The following CCDC33 variants were observed in gnomAD, a reference collection of about 807,000 sequenced individuals.
CCDC33 encodes coiled-coil domain-containing protein 33.
In CCDC33, 94 loss-of-function variants were observed where a neutral mutation model predicts 91.9. That is an observed-to-expected ratio of 1.02 (90% CI 0.87 to 1.21). The LOEUF (loss-of-function observed/expected upper bound fraction) is 1.21. Among genes scored for constraint, CCDC33 ranks in the 50% most tolerant of loss-of-function variants. The probability of loss-of-function intolerance (pLI) is 0.00; values close to 1 mark genes in which losing one functional copy is unlikely to be tolerated. For missense variants in CCDC33, 940 were observed against 935.5 expected (o/e 1.00, Z -0.06); for synonymous variants, 396 against 374.5 (o/e 1.06, Z -0.66).
chr15:74,296,092 C>A, intron 11 of CCDC33, 144 bp downstream of exon 11: 1 of 665,018 alleles, frequency 1.5e-6, no homozygotes, highest in Non-Finnish European at 2.5e-6. Context: ...ATGTGAGTTA[C>A]CCCAAAGTCA....
intron 1 of CCDC33, among the ~76,000 whole-genome samples, chr15:74,204,505 G>A (rs1304124584): frequency 6.6e-6 from 1 of 152,244 alleles, no homozygotes; most frequent in Non-Finnish European, 1.5e-5. Context: ...GTCTCAGACT[G>A]TTACCTTAGG....
chr15:74,291,084 A>G (rs987043319), intron 10 of CCDC33, among the ~76,000 whole-genome samples: 6 of 152,346 alleles, frequency 3.9e-5, no homozygotes, highest in East Asian at 3.9e-4. Flanking sequence ...CAAATGAATC[A>G]TGGCCCCACC....
rs1484257824 is a variant in CCDC33, at chr15:74,330,296, C to T, written c.1398C>T (p.Arg466=). The T allele has an allele frequency of 1.9e-6, 3 of 1,611,582 alleles. No homozygotes were observed. Among genetic ancestry groups the T allele is most frequent in the South Asian group, 1.1e-5 (1 of 90,884 alleles). Residue 466 remains arginine (R), a synonymous_variant, in exon 12 of 19, where the codon CGC becomes CGT. Transcript: ENST00000398814. ...LEGENRILRS[R]LAQQEEEEGQ... is the part of the protein sequence containing the mutation. The stretch of plus-strand genomic sequence containing the variant: ...GAGAGAACCGCATACTGAGGAGCCG[C>T]CTGGCCCAGCAGGAGGAGGAAGAGG...
Position 74,268,326 on chromosome 15 carries a change from C to T in CCDC33, c.430-16C>T, listed in dbSNP as rs753876767. On this transcript the variant is annotated splice_polypyrimidine_tract_variant and intron_variant, in intron 4 of 18. Coordinates refer to ENST00000398814, the MANE Select transcript of CCDC33 (RefSeq NM_025055.5). ...CTCTCCTTCCTCTGTGTCTTCTGCC[C>T]CAACCCTGTCTCCAGCCCACTGAGT... is the stretch of plus-strand genomic sequence containing the variant. 2.7e-5 allele frequency: 43 copies of T among 1,594,440 alleles called. 1 individual carries two copies. In the East Asian group the frequency reaches 9.2e-4, roughly 34 times the overall value.
chr15:74,286,911 C>A (rs1036586441), intron 10 of CCDC33, among the ~76,000 whole-genome samples: 1 of 152,152 alleles, frequency 6.6e-6, no homozygotes, highest in Non-Finnish European at 1.5e-5. Flanking sequence ...CCTCCCTCTT[C>A]CCCTCATAGG....
At chr15:74,297,103 G>A (rs1229672146) in intron 11 of CCDC33, among the ~76,000 whole-genome samples, 1 of 152,212 alleles carries the variant, frequency 6.6e-6, no homozygotes, top group Admixed American at 6.5e-5. Context: ...AAGGCTGGCT[G>A]TCTGCTGGGC....
intron 2 of CCDC33, among the ~76,000 whole-genome samples, chr15:74,259,913 C>T (rs1270004275): frequency 6.6e-6 from 1 of 152,340 alleles, no homozygotes; most frequent in African/African-American, 2.4e-5. Context: ...AGTTTTGTGT[C>T]CAGCTCTGGG....
chr15:74,231,366 C>T (rs1205293843), upstream of CCDC33, among the ~76,000 whole-genome samples: 1 of 152,222 alleles, frequency 6.6e-6, no homozygotes, highest in Non-Finnish European at 1.5e-5. Context: ...TCTGCCCTTG[C>T]TTATGGGGGC....
chr15:74,212,654 C>G (rs1231859028), upstream of CCDC33: 3 of 152,200 alleles, frequency 2.0e-5, no homozygotes, highest in Non-Finnish European at 2.9e-5. Flanking sequence ...TTACTACTTA[C>G]TAGCTGAGTG....
In CCDC33 at chr15:74,331,104, C is replaced by A. The variant is rs527872552; in HGVS notation, c.1669C>A (p.Gln557Lys). 1.2e-4 allele frequency: 186 copies of A among 1,613,306 alleles called. 2 individuals are homozygous for A. The South Asian group carries it at 1.9e-3, about 16-fold the overall frequency. The change falls in exon 14 of 19, where the codon CAA becomes AAA. Residue 557 changes from glutamine (Q) to lysine (K), a missense_variant. Coordinates refer to ENST00000398814, the MANE Select transcript of CCDC33 (RefSeq NM_025055.5). ...MKALEETVRH[Q>K]EKVIEKMERV... is the part of the protein sequence containing the mutation. ...GGCGCTGGAGGAGACTGTGCGGCAC[C>A]AAGAGAAGGCAGGTGGCAGAGGGGC...
chr15:74,221,475 TG>T, intron 2 of CCDC33: 1 of 203,938 alleles, frequency 4.9e-6, no homozygotes, highest in Non-Finnish European at 8.7e-6. Flanking sequence ...CTGCCAATGC[TG>T]GTCACAGCAT....
chr15:74,271,493 C>G (rs1284538395), intron 5 of CCDC33, among the ~76,000 whole-genome samples: 1 of 152,198 alleles, frequency 6.6e-6, no homozygotes, highest in Non-Finnish European at 1.5e-5. Context: ...GCAGTTGCCT[C>G]AGCTCGGCAG....
At chr15:74,234,190 C>T (rs957304723), upstream of CCDC33, among the ~76,000 whole-genome samples, 4 of 152,256 alleles carry the variant, frequency 2.6e-5, no homozygotes, top group Non-Finnish European at 4.4e-5. Context: ...GAACTATGGG[C>T]TCTCTAGTGG....
chr15:74,279,435 C>T (rs1434826972), intron 7 of CCDC33, among the ~76,000 whole-genome samples: 1 of 152,166 alleles, frequency 6.6e-6, no homozygotes, highest in African/African-American at 2.4e-5. Context: ...TTGTGTTTAT[C>T]ATAGGAACAC....
intron 11 of CCDC33, among the ~76,000 whole-genome samples, chr15:74,315,096 G>C (rs2060065744): frequency 6.6e-6 from 1 of 152,226 alleles, no homozygotes. Context: ...GGGGTAAGGG[G>C]AGCAGAGCAA....
At chr15:74,281,264 G>C (rs1483856666) in intron 9 of CCDC33, among the ~76,000 whole-genome samples, 4 of 152,334 alleles carry the variant, frequency 2.6e-5, no homozygotes, top group Admixed American at 1.3e-4. Context: ...GACTGTCTGG[G>C]TCCAAATTCT....
chr15:74,254,278 G>A (rs567722138), intron 2 of CCDC33, among the ~76,000 whole-genome samples: 114 of 152,228 alleles, frequency 7.5e-4, no homozygotes, highest in African/African-American at 2.6e-3. Flanking sequence ...TGATCTGCCC[G>A]CCTCAGCCTC....
intron 2 of CCDC33, among the ~76,000 whole-genome samples, chr15:74,226,423 A>C (rs2074798080): frequency 6.6e-6 from 1 of 152,162 alleles, no homozygotes; most frequent in Admixed American, 6.5e-5. Flanking sequence ...TCAAGTGAGG[A>C]AGAGATTGGG....
chr15:74,218,657 C>T lies in CCDC33; in HGVS notation c.471C>T (p.His157=), dbSNP rs866817747. 13 of 1,289,866 alleles carry T rather than the reference C, an allele frequency of 1.0e-5. No homozygotes were observed. Among genetic ancestry groups the T allele is most frequent in the Middle Eastern group, 2.1e-4 (1 of 4,696 alleles). The allele number at this position is 1,289,866 out of a possible 1,614,324, so 79.9% of individuals were successfully genotyped here. ...GCATGAACCCAAAGGCTCAGGATCA[C>T]GAGGACCTGTACCGCTACTGTGGCA... Residue 157 remains histidine, a synonymous_variant, in exon 2 of 3, where the codon CAC becomes CAT. Transcript: ENST00000635913. The surrounding 1 kb of genome is among the most constrained non-coding windows in gnomAD (Gnocchi z 4.8).
Sources: allele counts gnomAD v4.1 joint callset (sites outside exome capture counted in the v4.1 genomes callset), GRCh38; gene constraint gnomAD v4.1.1; non-coding constraint Gnocchi (gnomAD v3.1); transcripts MANE v1.5; gene names NCBI Gene and HGNC (gene_info 2026-07-23, HGNC 2026-07-21).